The following PPP3CB variants were observed in gnomAD, a reference collection of about 807,000 sequenced individuals.
The protein encoded by PPP3CB is protein phosphatase 3 catalytic subunit beta.
PPP3CB carries 8 observed loss-of-function variants against 66.4 expected under a neutral mutation model. The observed-to-expected ratio is 0.12, with a 90% CI of 0.07 to 0.22. The LOEUF (loss-of-function observed/expected upper bound fraction) is 0.22. PPP3CB is among the 10% of genes least tolerant of loss of function. The pLI is 1.00. For synonymous variants in PPP3CB, 208 were observed against 221.2 expected, an observed-to-expected ratio of 0.94 and a Z score of 0.53; for missense variants, 319 against 642.5, an observed-to-expected ratio of 0.50 and a Z score of 5.44.
In PPP3CB at chr10:73,495,928, G is replaced by T; in HGVS notation, c.-39C>A. On this transcript the variant is annotated 5_prime_UTR_variant, in exon 1 of 14. Coordinates refer to ENST00000360663, the MANE Select transcript of PPP3CB (RefSeq NM_021132.4). ...CTCGGCTAGGCTCTGGGCCGGGCGG[G>T]GTTGGGGGCGGGGGCGGCGGCTACC... is the stretch of plus-strand genomic sequence containing the variant. 1.1e-6 allele frequency: 1 copy of T among 908,836 alleles called. No individual in the cohort carries two copies. Among genetic ancestry groups the T allele is most frequent in the South Asian group, 5.5e-5 (1 of 18,202 alleles). 56.3% of individuals were successfully genotyped at this position (908,836 alleles called of 1,614,324 possible).
intron 8 of PPP3CB, among the ~76,000 whole-genome samples, chr10:73,468,044 A>G (rs1225083185): frequency 6.6e-6 from 1 of 152,156 alleles, no homozygotes; most frequent in Non-Finnish European, 1.5e-5. Context: ...GCAATTTTCT[A>G]GGTTTTTAAA....
chr10:73,465,277 G>A (rs771636033), intron 9 of PPP3CB, among the ~76,000 whole-genome samples: 9 of 152,140 alleles, frequency 5.9e-5, no homozygotes, highest in Admixed American at 1.3e-4. Flanking sequence ...GGGTGCAGTG[G>A]CTATTCAGAT....
intron 1 of PPP3CB, 69 bp from the exon 2 acceptor site, chr10:73,479,586 A>T: frequency 7.0e-7 from 1 of 1,426,600 alleles, no homozygotes; most frequent in East Asian, 2.4e-5. Flanking sequence ...TAATAATTGG[A>T]TCTAGATAAG....
chr10:73,480,362 C>A (rs1017324641), intron 1 of PPP3CB, among the ~76,000 whole-genome samples: 4 of 151,924 alleles, frequency 2.6e-5, no homozygotes, highest in African/African-American at 9.7e-5. Context: ...AAATCATACT[C>A]ATTTCCACCT....
At chr10:73,462,949 CAAAAAAAAAAAA>C (rs10569079) in intron 9 of PPP3CB, among the ~76,000 whole-genome samples, 8 of 58,820 alleles carry the variant, frequency 1.4e-4, no homozygotes, top group Non-Finnish European at 2.3e-4. Context: ...GACTCTGTCT[CAAAAAAAAAAAA>C]AAAAAAAAAA....
chr10:73,447,396 C>G (rs551917809), intron 10 of PPP3CB, among the ~76,000 whole-genome samples: 3 of 152,252 alleles, frequency 2.0e-5, no homozygotes, highest in Non-Finnish European at 2.9e-5. Context: ...CTTCCCTTGG[C>G]CTCCAGAAAG....
intron 10 of PPP3CB, among the ~76,000 whole-genome samples, chr10:73,452,046 G>C (rs1037661805): frequency 6.6e-6 from 1 of 151,112 alleles, no homozygotes; most frequent in African/African-American, 2.4e-5. Context: ...ACACCCGGCT[G>C]GAAGCCTCAT....
At chr10:73,493,371 A>G (rs1209286004) in intron 1 of PPP3CB, among the ~76,000 whole-genome samples, 1 of 152,236 alleles carries the variant, frequency 6.6e-6, no homozygotes, top group African/African-American at 2.4e-5. Flanking sequence ...ATGTATCGAT[A>G]CAAAACTACC....
At chr10:73,461,275 T>G (rs1207192856) in intron 9 of PPP3CB, among the ~76,000 whole-genome samples, 2 of 152,132 alleles carry the variant, frequency 1.3e-5, no homozygotes, top group African/African-American at 4.8e-5. Flanking sequence ...AGTGAAACCC[T>G]GTCTCTACTA....
chr10:73,487,684 A>G (rs1049578165), intron 1 of PPP3CB, among the ~76,000 whole-genome samples: 8 of 151,984 alleles, frequency 5.3e-5, no homozygotes, highest in African/African-American at 1.9e-4. Flanking sequence ...AGCAATGACA[A>G]TATATTTATA....
At chr10:73,468,202 G>GA (rs1399364629) in intron 8 of PPP3CB, among the ~76,000 whole-genome samples, 3 of 151,896 alleles carry the variant, frequency 2.0e-5, no homozygotes, top group African/African-American at 7.3e-5. Context: ...ATTTAATATG[G>GA]AAAATCAGAC....
At chr10:73,476,110 C>A (rs1464935131) in intron 3 of PPP3CB, among the ~76,000 whole-genome samples, 2 of 151,708 alleles carry the variant, frequency 1.3e-5, no homozygotes, top group African/African-American at 4.8e-5. Flanking sequence ...ATCTGCCTGA[C>A]TTGGCCAACC....
chr10:73,468,886 TC>T (rs2056661073), intron 8 of PPP3CB, among the ~76,000 whole-genome samples: 2 of 152,344 alleles, frequency 1.3e-5, no homozygotes, highest in Non-Finnish European at 2.9e-5. Context: ...AGCTTTCAGA[TC>T]TTTTGTAAGG....
intron 1 of PPP3CB, 35 bp from the exon 2 acceptor site, chr10:73,479,552 C>T: frequency 6.4e-7 from 1 of 1,571,460 alleles, no homozygotes; most frequent in Non-Finnish European, 8.7e-7. Context: ...AGATAAGTCA[C>T]CAAAAATACA....
intron 9 of PPP3CB, among the ~76,000 whole-genome samples, chr10:73,460,702 C>T (rs531297641): frequency 1.8e-4 from 27 of 152,294 alleles, no homozygotes; most frequent in Middle Eastern, 3.4e-3. Flanking sequence ...GGCCTAGAGG[C>T]CTAGGAGGAA....
chr10:73,454,040 G>A (rs777963842), intron 10 of PPP3CB, among the ~76,000 whole-genome samples: 14 of 152,136 alleles, frequency 9.2e-5, no homozygotes, highest in Non-Finnish European at 1.8e-4. Flanking sequence ...GGGAGTTCAG[G>A]TATGCTTCTG....
chr10:73,474,604 T>A (rs1325698363), intron 4 of PPP3CB, among the ~76,000 whole-genome samples: 1 of 151,234 alleles, frequency 6.6e-6, no homozygotes, highest in Non-Finnish European at 1.5e-5. Flanking sequence ...AGCTAATTTT[T>A]TTTTTTTGTA....
At chr10:73,446,351 T>G in intron 11 of PPP3CB, 141 bp downstream of exon 11, 1 of 751,778 alleles carries the variant, frequency 1.3e-6, no homozygotes, top group Non-Finnish European at 2.2e-6. Flanking sequence ...CCGCCCGCCT[T>G]GGCATCCCAA....
intron 1 of PPP3CB, among the ~76,000 whole-genome samples, chr10:73,480,910 C>T (rs766385118): frequency 1.3e-5 from 2 of 152,134 alleles, no homozygotes; most frequent in Non-Finnish European, 2.9e-5. Context: ...ATTTCAATGG[C>T]ATCTAAGCAC....
Sources: allele counts gnomAD v4.1 joint callset (sites outside exome capture counted in the v4.1 genomes callset), GRCh38; gene constraint gnomAD v4.1.1; transcripts MANE v1.5; gene names NCBI Gene and HGNC (gene_info 2026-07-23, HGNC 2026-07-21).